UBN2: variants seen among roughly 807,000 people sequenced by gnomAD.
The protein encoded by UBN2 is ubinuclein 2.
UBN2 carries 35 observed loss-of-function variants against 120.2 expected under a neutral mutation model. The observed-to-expected ratio is 0.29, with a 90% CI of 0.22 to 0.39. The LOEUF (loss-of-function observed/expected upper bound fraction) is 0.39. Among genes scored for constraint, UBN2 ranks in the 10% least tolerant of loss-of-function variants. The pLI, the probability that UBN2 is intolerant of heterozygous loss-of-function variation, is 1.00. For missense variants in UBN2, 1,693 were observed against 1,663.2 expected, an observed-to-expected ratio of 1.02 and a Z score of -0.31; for synonymous variants, 661 against 648.7, an observed-to-expected ratio of 1.02 and a Z score of -0.29.
the UBN2 span, among the ~76,000 whole-genome samples, chr7:139,317,664 G>T: frequency 5.1e-4 from 77 of 149,930 alleles, no homozygotes; most frequent in African/African-American, 1.2e-3. Context: ...TGTTGTTTTG[G>T]TTTTTTTTTC....
At chr7:139,268,406 A>G (rs1398346895) in intron 7 of UBN2, among the ~76,000 whole-genome samples, 1 of 152,110 alleles carries the variant, frequency 6.6e-6, no homozygotes, top group African/African-American at 2.4e-5. Flanking sequence ...AATATGGAAC[A>G]TGATTATTTA....
At chr7:139,260,994 T>C (rs1344832732) in intron 5 of UBN2, among the ~76,000 whole-genome samples, 2 of 152,224 alleles carry the variant, frequency 1.3e-5, no homozygotes, top group Non-Finnish European at 2.9e-5. Context: ...AAAAGATTTC[T>C]AGGAGGAAGT....
At chr7:139,319,232 A>G in the UBN2 span, among the ~76,000 whole-genome samples, 1 of 152,076 alleles carries the variant, frequency 6.6e-6, no homozygotes, top group Non-Finnish European at 1.5e-5. Context: ...ACAGGTGGGC[A>G]CCACCATGCC....
intron 13 of UBN2, 113 bp from the exon 14 acceptor site, chr7:139,281,892 C>A: frequency 3.3e-6 from 3 of 910,510 alleles, no homozygotes; most frequent in East Asian, 5.0e-5. Flanking sequence ...ACTTGTACTT[C>A]CAATTGGTAG....
intron 15 of UBN2, among the ~76,000 whole-genome samples, chr7:139,285,993 C>T (rs771911149): frequency 3.9e-5 from 6 of 152,282 alleles, no homozygotes; most frequent in Non-Finnish European, 5.9e-5. Flanking sequence ...ATGACATGAT[C>T]TCGGCTCACT....
At chr7:139,314,162 G>A in the UBN2 span, among the ~76,000 whole-genome samples, 1 of 148,530 alleles carries the variant, frequency 6.7e-6, no homozygotes, top group Non-Finnish European at 1.5e-5. Flanking sequence ...AACTCTTTTA[G>A]AAGTTTATTT....
In UBN2 at chr7:139,266,226, C is replaced by CAAA. The variant is rs377760158; in HGVS notation, c.1396-90_1396-88dup. The CAAA allele has an allele frequency of 8.6e-4, 298 of 345,312 alleles. 1 individual carries two copies. The highest frequency in any genetic ancestry group is 3.5e-3 in the African/African-American group (73 of 21,012). The allele number at this position is 345,312 out of a possible 1,614,324, so 21.4% of individuals were successfully genotyped here. A position where few individuals can be genotyped will look rare whatever the true frequency, so the allele number is the denominator to read the frequency against. On this transcript the variant is annotated intron_variant, in intron 6 of 17. Transcript: ENST00000473989. ...TGGGCAACATAGAGAGGCCCTATCT[C>CAAA]AAAAAAAAAAAAAAAAAAAGAAAAA...
At chr7:139,264,446 A>G (rs1359915160) in intron 6 of UBN2, among the ~76,000 whole-genome samples, 4 of 152,238 alleles carry the variant, frequency 2.6e-5, no homozygotes, top group Non-Finnish European at 4.4e-5. Context: ...GGACAGAGTC[A>G]TAGAGTCTGT....
At chr7:139,284,983 C>T (rs1797742179) in intron 15 of UBN2, among the ~76,000 whole-genome samples, 1 of 152,200 alleles carries the variant, frequency 6.6e-6, no homozygotes, top group African/African-American at 2.4e-5. Context: ...CTCTTCCCTT[C>T]CCTTTTTCTC....
chr7:139,275,913 T>C (rs917190501), intron 11 of UBN2, among the ~76,000 whole-genome samples, 184 bp from the exon 12 acceptor site: 43 of 152,334 alleles, frequency 2.8e-4, no homozygotes, highest in African/African-American at 9.9e-4. Flanking sequence ...AGGCCTAGGT[T>C]ATAGTGAGCT....
At position 139,261,759 on chromosome 7, in the gene UBN2, C is replaced by G. The variant is rs1796942376; in HGVS notation, c.1395+18C>G. ...TTCGTGTAGTAAGTGTAATAATTCTCTTGCTTTTTATTTGCTGCACAAACA... is the reference window on the plus strand; with the variant it reads ...TTCGTGTAGTAAGTGTAATAATTCTGTTGCTTTTTATTTGCTGCACAAACA... On this transcript the variant is annotated intron_variant, in intron 6 of 17. Transcript: ENST00000473989. 6.3e-7 allele frequency: 1 copy of G among 1,589,990 alleles called. No individual in the cohort carries two copies. The highest frequency in any genetic ancestry group is 8.6e-7 in the Non-Finnish European group (1 of 1,164,610).
intron 13 of UBN2, among the ~76,000 whole-genome samples, chr7:139,279,682 G>A (rs1204247606): frequency 2.6e-5 from 4 of 152,162 alleles, no homozygotes; most frequent in African/African-American, 9.7e-5. Flanking sequence ...AAACAAAAAA[G>A]GAGCTGACAG....
the UBN2 span, among the ~76,000 whole-genome samples, chr7:139,322,617 C>CTTTTT: frequency 0.02 from 2,042 of 102,718 alleles, 82 homozygotes; most frequent in Middle Eastern, 0.041. Flanking sequence ...ACCATCTGGA[C>CTTTTT]TTTTTTTTTT....
intron 2 of UBN2, among the ~76,000 whole-genome samples, chr7:139,240,946 C>T (rs1248270533): frequency 2.6e-5 from 4 of 152,158 alleles, no homozygotes; most frequent in East Asian, 1.9e-4. Context: ...CGTATAGGCT[C>T]CAGATTCGTC....
rs536307263 is a variant in UBN2, at chr7:139,263,088, A to G, written c.1395+1347A>G. 2.6e-5 allele frequency among the ~76,000 whole-genome samples: 4 copies of G among 152,346 alleles called. No individual in the cohort carries two copies. The East Asian group carries it at 5.8e-4, about 22-fold the overall frequency. On this transcript the variant is annotated intron_variant, in intron 6 of 17. Transcript: ENST00000473989. Reference sequence around the variant, plus strand: ...AGACACATGGTAGGCAGTAACGTGTATAGAAAATGAGACATCTCTTTCTGT... The same window carrying G: ...AGACACATGGTAGGCAGTAACGTGTGTAGAAAATGAGACATCTCTTTCTGT...
chr7:139,246,466 G>A (rs1481563763), intron 2 of UBN2, among the ~76,000 whole-genome samples: 2 of 152,206 alleles, frequency 1.3e-5, no homozygotes, highest in African/African-American at 4.8e-5. Flanking sequence ...GAATGGAAAG[G>A]AAGCTGTAGA....
At chr7:139,249,753 T>A (rs1188073988) in intron 2 of UBN2, among the ~76,000 whole-genome samples, 3 of 152,114 alleles carry the variant, frequency 2.0e-5, no homozygotes, top group African/African-American at 7.2e-5. Context: ...TCACCCAGGT[T>A]GGAGTGCAGT....
rs974199020 is a variant in UBN2 at position 139,300,021 on chromosome 7, G to C, written c.*2185G>C. On this transcript the variant is annotated 3_prime_UTR_variant, in exon 18 of 18. Coordinates refer to ENST00000473989, the MANE Select transcript of UBN2 (RefSeq NM_173569.4). ...ATACATTCATATAAATGACTAGTTTGAGTCAAAAAATCATTTGAATTTCTT... is the reference window on the plus strand; with the variant it reads ...ATACATTCATATAAATGACTAGTTTCAGTCAAAAAATCATTTGAATTTCTT... 4 of 152,044 alleles carry C rather than the reference G, an allele frequency of 2.6e-5. No homozygotes were observed. The highest frequency in any genetic ancestry group is 9.7e-5 in the African/African-American group (4 of 41,408). The allele number at this position is 152,044 out of a possible 1,614,324, so 9.4% of individuals were successfully genotyped here.
At chr7:139,260,211 G>C (rs1424103715) in intron 5 of UBN2, among the ~76,000 whole-genome samples, 1 of 151,922 alleles carries the variant, frequency 6.6e-6, no homozygotes, top group Non-Finnish European at 1.5e-5. Context: ...GGATCCTCCT[G>C]CCTCAGCTAC....
Sources: allele counts gnomAD v4.1 joint callset (sites outside exome capture counted in the v4.1 genomes callset), GRCh38; gene constraint gnomAD v4.1.1; transcripts MANE v1.5; gene names NCBI Gene and HGNC (gene_info 2026-07-23, HGNC 2026-07-21).